Variants in RFX7 observed in about 807,000 individuals in gnomAD.
RFX7 encodes the protein DNA-binding protein RFX7.
Under a neutral mutation model 111.8 loss-of-function variants are expected in RFX7, and 26 were observed. The observed-to-expected ratio is 0.23, with a 90% CI of 0.17 to 0.32. The LOEUF (loss-of-function observed/expected upper bound fraction) is 0.32. Ranked by LOEUF, RFX7 falls within the 10% of genes least tolerant of loss-of-function variation. The pLI is 1.00. For synonymous variants in RFX7, 624 were observed against 624.4 expected (o/e 1.00, Z 0.01); for missense variants, 1,573 against 1,772.9 (o/e 0.89, Z 2.02).
chr15:56,111,776 A>C (rs1432900766), intron 5 of RFX7, among the ~76,000 whole-genome samples: 3 of 152,070 alleles, frequency 2.0e-5, no homozygotes, highest in Non-Finnish European at 4.4e-5. Context: ...GATCCAGACA[A>C]GTGTATCTAA....
chr15:56,120,216 C>T (rs1186308372), intron 5 of RFX7, among the ~76,000 whole-genome samples: 1 of 152,146 alleles, frequency 6.6e-6, no homozygotes, highest in African/African-American at 2.4e-5. Flanking sequence ...ACATCTTTCA[C>T]TTCTTTAAGT....
intron 2 of RFX7, among the ~76,000 whole-genome samples, chr15:56,182,434 C>T (rs1459736162): frequency 6.6e-6 from 1 of 152,096 alleles, no homozygotes; most frequent in East Asian, 1.9e-4. Context: ...TTCCCCTTTT[C>T]TTCTGCCTAG....
chr15:56,216,894 G>C (rs2043367908), intron 2 of RFX7, among the ~76,000 whole-genome samples: 1 of 151,786 alleles, frequency 6.6e-6, no homozygotes. Flanking sequence ...TGGCTCAAGT[G>C]ATCCTCCTGT....
At chr15:56,175,975 G>C (rs1479019053) in intron 3 of RFX7, among the ~76,000 whole-genome samples, 3 of 152,122 alleles carry the variant, frequency 2.0e-5, no homozygotes, top group Non-Finnish European at 4.4e-5. Context: ...TAGTAACTAT[G>C]AGAGTCTATT....
intron 2 of RFX7, among the ~76,000 whole-genome samples, chr15:56,229,573 T>C (rs2141228046): frequency 6.6e-6 from 1 of 152,306 alleles, no homozygotes; most frequent in South Asian, 2.1e-4. Flanking sequence ...ATCCAGTAGT[T>C]TCTCAAACTT....
intron 5 of RFX7, among the ~76,000 whole-genome samples, chr15:56,132,852 C>T (rs1327694900): frequency 6.6e-6 from 1 of 152,028 alleles, no homozygotes; most frequent in Non-Finnish European, 1.5e-5. Context: ...AGCCAGCAAT[C>T]CCAATTTTGA....
chr15:56,242,182 T>TA (rs1381388247), intron 2 of RFX7, among the ~76,000 whole-genome samples: 1 of 152,222 alleles, frequency 6.6e-6, no homozygotes, highest in African/African-American at 2.4e-5. Context: ...TTTAAACTTC[T>TA]ATTAAAAGCA....
In RFX7 at chr15:56,096,613, C is replaced by T. The variant is rs200529413; in HGVS notation, c.1115G>A (p.Arg372Gln). 116 of 1,576,030 alleles carry T rather than the reference C, an allele frequency of 7.4e-5. No individual in the cohort carries two copies. Among genetic ancestry groups the T allele is most frequent in the Admixed American group, 2.0e-4 (11 of 54,298 alleles). The change falls in exon 10 of 10, where the codon CGG (arginine) becomes CAG (glutamine). Residue 372 changes from arginine (R) to glutamine (Q), a missense_variant. Physicochemically the swap from Arg to Gln is conservative, Grantham distance 43. Coordinates refer to ENST00000559447, the MANE Select transcript of RFX7 (RefSeq NM_022841.7). ...AAVPSPIPVQ[R>Q]TRQLVTSPSP... ...CGGTGAAGTTACCAATTGCCTAGTC[C>T]GCTGGACCTGTTAAAAGATAGCAAA...
At chr15:56,179,761 A>C (rs923660171) in intron 2 of RFX7, among the ~76,000 whole-genome samples, 1 of 137,332 alleles carries the variant, frequency 7.3e-6, no homozygotes, top group African/African-American at 2.8e-5. Flanking sequence ...TCTCTGTCTC[A>C]ACACACACAC....
chr15:56,116,221 C>A (rs2042007244), intron 5 of RFX7, among the ~76,000 whole-genome samples: 1 of 152,096 alleles, frequency 6.6e-6, no homozygotes. Context: ...AGCCAAGAGA[C>A]CCTAGTGTCA....
chr15:56,178,755 C>CT, intron 3 of RFX7, among the ~76,000 whole-genome samples: 1 of 152,262 alleles, frequency 6.6e-6, no homozygotes. Flanking sequence ...ATCTTGAAAG[C>CT]TGGCAACCCC....
intron 3 of RFX7, among the ~76,000 whole-genome samples, chr15:56,167,459 GT>G (rs1485993059): frequency 6.6e-6 from 1 of 152,166 alleles, no homozygotes; most frequent in Non-Finnish European, 1.5e-5. Flanking sequence ...ATGCTCTGGT[GT>G]TGGATATATC....
chr15:56,151,895 T>G lies in RFX7; in HGVS notation c.196-7412A>C, dbSNP rs1044127278. Among the ~76,000 whole-genome samples the G allele has an allele frequency of 2.0e-5, 3 of 152,010 alleles. No homozygotes were observed. The South Asian group carries it at 6.2e-4, about 32-fold the overall frequency. On this transcript the variant is annotated intron_variant, in intron 3 of 9. Coordinates refer to ENST00000559447, the MANE Select transcript of RFX7 (RefSeq NM_022841.7). ...CAAGCAAATGGAAAGCAAAAAAAAGTAGGGGTTGCAATCCTGGTCTCTGAT... is the reference window on the plus strand; with the variant it reads ...CAAGCAAATGGAAAGCAAAAAAAAGGAGGGGTTGCAATCCTGGTCTCTGAT...
intron 5 of RFX7, among the ~76,000 whole-genome samples, chr15:56,106,015 A>G (rs2041825185): frequency 6.6e-6 from 1 of 152,190 alleles, no homozygotes; most frequent in Non-Finnish European, 1.5e-5. Flanking sequence ...GTTTATGGTT[A>G]CTTGGTGGTG....
At chr15:56,125,074 A>G (rs2140978007) in intron 5 of RFX7, among the ~76,000 whole-genome samples, 1 of 152,298 alleles carries the variant, frequency 6.6e-6, no homozygotes, top group East Asian at 1.9e-4. Flanking sequence ...CTGCATATGT[A>G]TACCCAGTTT....
rs575265900 is a variant in RFX7 at position 56,140,387 on chromosome 15, C to T, written c.401+2391G>A. ...GGGAGTGACCCGATTTTCCAGGTGC[C>T]GTCCGTCACCCCTTTCTTTGACTCG... On this transcript the variant is annotated intron_variant, in intron 5 of 9. Coordinates refer to ENST00000559447, the MANE Select transcript of RFX7 (RefSeq NM_022841.7). 4.7e-4 allele frequency among the ~76,000 whole-genome samples: 71 copies of T among 151,762 alleles called. 1 individual carries two copies. Among genetic ancestry groups the T allele is most frequent in the South Asian group, 3.5e-3 (17 of 4,806 alleles).
Position 56,095,494 on chromosome 15 carries a change from T to C in RFX7, c.2234A>G (p.Glu745Gly). 1 of 1,612,870 alleles carries C rather than the reference T, an allele frequency of 6.2e-7. No individual in the cohort carries two copies. ...SALVISDSALEQQTTPSSSPD... is the reference protein window; with the variant it reads ...SALVISDSALGQQTTPSSSPD... ...AGATGATGATGGGGTTGTTTGCTGT[T>C]CCAAAGCTGAATCACTGATAACAAG... Residue 745 changes from glutamate (E) to glycine (G), a missense_variant, in exon 10 of 10, where the codon GAA becomes GGA. Physicochemically the swap from Glu to Gly is moderately conservative, Grantham distance 98 (BLOSUM62 -2). Coordinates refer to ENST00000559447, the MANE Select transcript of RFX7 (RefSeq NM_022841.7).
chr15:56,230,564 C>A, intron 2 of RFX7, among the ~76,000 whole-genome samples: 1 of 151,640 alleles, frequency 6.6e-6, no homozygotes, highest in Non-Finnish European at 1.5e-5. Flanking sequence ...ATGCAGTAAA[C>A]AAAAAAAGAT....
chr15:56,146,672 G>A (rs1359571980), intron 3 of RFX7, among the ~76,000 whole-genome samples: 1 of 152,044 alleles, frequency 6.6e-6, no homozygotes, highest in Non-Finnish European at 1.5e-5. Flanking sequence ...GCACCAAAGA[G>A]ATGATTTAGA....
Sources: gnomAD v4.1 joint callset for allele counts (sites outside exome capture counted in the v4.1 genomes callset) on GRCh38, gnomAD v4.1.1 for gene constraint, MANE v1.5 for transcripts, NCBI Gene and HGNC (gene_info 2026-07-23, HGNC 2026-07-21) for gene names.